The following CMSS1 variants were observed in gnomAD, a reference collection of about 807,000 sequenced individuals.
CMSS1 encodes the protein cms1 ribosomal small subunit homolog.
In CMSS1, 33 loss-of-function variants were observed where a neutral mutation model predicts 43.5. The ratio of observed to expected loss-of-function variants is 0.76; its 90% CI spans 0.57 to 1.01. The LOEUF (loss-of-function observed/expected upper bound fraction) is 1.01. CMSS1 is among the 50% of genes least tolerant of loss of function. CMSS1 has a pLI of 0.00. For synonymous variants in CMSS1, 115 were observed against 117.2 expected, an observed-to-expected ratio of 0.98 and a Z score of 0.12; for missense variants, 313 against 326.4, an observed-to-expected ratio of 0.96 and a Z score of 0.32.
At chr3:99,825,066 A>G (rs1376280232) in intron 1 of CMSS1, among the ~76,000 whole-genome samples, 3 of 152,170 alleles carry the variant, frequency 2.0e-5, no homozygotes, top group Non-Finnish European at 1.5e-5. Context: ...TTAAACCTTT[A>G]CAGTATTAGT....
At chr3:99,881,832 C>T (rs967718426) in intron 1 of CMSS1, among the ~76,000 whole-genome samples, 1 of 152,094 alleles carries the variant, frequency 6.6e-6, no homozygotes, top group Non-Finnish European at 1.5e-5. Context: ...CGTGACTGAC[C>T]CATTTCTTTT....
intron 1 of CMSS1, among the ~76,000 whole-genome samples, chr3:99,835,265 T>C (rs1942849489): frequency 6.6e-6 from 1 of 152,224 alleles, no homozygotes; most frequent in African/African-American, 2.4e-5. Context: ...TTTATCCTCC[T>C]TATGCTACTT....
intron 1 of CMSS1, among the ~76,000 whole-genome samples, chr3:99,907,670 A>G (rs942089002): frequency 6.6e-6 from 1 of 152,010 alleles, no homozygotes; most frequent in African/African-American, 2.4e-5. Flanking sequence ...CCTGAATTTG[A>G]TTGCTCTTTT....
chr3:100,115,121 G>T lies in CMSS1; in HGVS notation c.65-31852G>T. 3 of 666,506 alleles carry T rather than the reference G, an allele frequency of 4.5e-6. No individual in the cohort carries two copies. The South Asian group carries it at 5.0e-5, about 11-fold the overall frequency. 41.3% of individuals were successfully genotyped at this position (666,506 alleles called of 1,614,324 possible). On this transcript the variant is annotated intron_variant, in intron 1 of 9. Transcript: ENST00000421999. ...TTCTTTAAGTAGGATCACTTGTTCA[G>T]ATTGAGGGGTTGGATAGAAGGGAGG...
At position 99,867,015 on chromosome 3, in the gene CMSS1, T is replaced by C. The variant is rs1274276215; in HGVS notation, c.64+48972T>C. 2.0e-5 allele frequency among the ~76,000 whole-genome samples: 3 copies of C among 152,366 alleles called. No individual in the cohort carries two copies. In the East Asian group the frequency reaches 5.8e-4, roughly 29 times the overall value. ...TTCCTTTTCAGCAACTTCTGAATAC[T>C]GAGAAGACAGAAAATGCATAAACAG... On this transcript the variant is annotated intron_variant, in intron 1 of 9. Coordinates refer to ENST00000421999, the MANE Select transcript of CMSS1 (RefSeq NM_032359.4).
intron 1 of CMSS1, among the ~76,000 whole-genome samples, chr3:99,858,375 G>C (rs1029177931): frequency 6.6e-6 from 1 of 152,096 alleles, no homozygotes; most frequent in Non-Finnish European, 1.5e-5. Context: ...TGAGGCAGGA[G>C]AATTGCTTGA....
chr3:100,056,460 T>A (rs184292435), intron 1 of CMSS1, among the ~76,000 whole-genome samples: 17 of 152,350 alleles, frequency 1.1e-4, no homozygotes, highest in African/African-American at 3.8e-4. Context: ...GAATGCTTAC[T>A]ACCTGGTGAT....
At chr3:99,853,721 C>T (rs1235139570) in intron 1 of CMSS1, among the ~76,000 whole-genome samples, 1 of 152,192 alleles carries the variant, frequency 6.6e-6, no homozygotes, top group Non-Finnish European at 1.5e-5. Flanking sequence ...TATTTGAATG[C>T]ATTTTCTCTA....
intron 1 of CMSS1, among the ~76,000 whole-genome samples, chr3:100,004,032 G>A (rs1454184631): frequency 6.6e-6 from 1 of 152,094 alleles, no homozygotes. Flanking sequence ...CTCTCTCAGG[G>A]TAAGCATCTT....
chr3:99,850,482 A>G lies in CMSS1; in HGVS notation c.64+32439A>G, dbSNP rs749384433. ...TCTCCCTTTCAAGCCTCTTATTGAG[A>G]TCTCTGCACTGCTCCTCCATTTTTA... On this transcript the variant is annotated intron_variant, in intron 1 of 9. Transcript: ENST00000421999. The G allele has an allele frequency of 4.3e-6, 7 of 1,613,188 alleles. No homozygotes were observed. In the African/African-American group the frequency reaches 8.0e-5, roughly 18 times the overall value.
chr3:99,970,876 C>G (rs528896491), intron 1 of CMSS1, among the ~76,000 whole-genome samples: 4 of 152,130 alleles, frequency 2.6e-5, no homozygotes, highest in African/African-American at 9.6e-5. Flanking sequence ...GGTGTGGATG[C>G]AATTAAAGGG....
At chr3:100,106,519 C>T (rs1245466858) in intron 1 of CMSS1, among the ~76,000 whole-genome samples, 1 of 152,138 alleles carries the variant, frequency 6.6e-6, no homozygotes, top group Non-Finnish European at 1.5e-5. Flanking sequence ...AGAAACCCCA[C>T]TTTGACTCTT....
In CMSS1 at chr3:99,849,757, T is replaced by G. The variant is rs781198757; in HGVS notation, c.64+31714T>G. 41 of 1,613,686 alleles carry G rather than the reference T, an allele frequency of 2.5e-5. No individual in the cohort carries two copies. The South Asian group carries it at 4.5e-4, about 18-fold the overall frequency. The stretch of plus-strand genomic sequence containing the variant: ...GTCATCCTCAATGGCTTTCATGTCC[T>G]TTAGCTTCAGTTTCAGTCTTTCCAC... On this transcript the variant is annotated intron_variant, in intron 1 of 9. Transcript: ENST00000421999.
At chr3:99,991,993 C>T (rs773549244) in intron 1 of CMSS1, among the ~76,000 whole-genome samples, 3 of 142,850 alleles carry the variant, frequency 2.1e-5, no homozygotes, top group Admixed American at 7.0e-5. Flanking sequence ...TGTATATATA[C>T]GTATATATAT....
At chr3:99,907,404 C>T (rs1295954201) in intron 1 of CMSS1, among the ~76,000 whole-genome samples, 2 of 152,048 alleles carry the variant, frequency 1.3e-5, no homozygotes, top group Non-Finnish European at 1.5e-5. Flanking sequence ...CCCACCACCA[C>T]GCCCAACTAA....
intron 1 of CMSS1, among the ~76,000 whole-genome samples, chr3:100,103,898 C>T (rs2066351070): frequency 6.6e-6 from 1 of 152,162 alleles, no homozygotes; most frequent in Non-Finnish European, 1.5e-5. Context: ...TAAATATCAA[C>T]CTTATTAATA....
At chr3:100,030,781 C>T (rs923786853) in intron 1 of CMSS1, among the ~76,000 whole-genome samples, 1 of 152,076 alleles carries the variant, frequency 6.6e-6, no homozygotes, top group African/African-American at 2.4e-5. Context: ...ATCCGTTTTC[C>T]CTCCCTGTAG....
chr3:99,869,230 T>TC (rs752623877), intron 1 of CMSS1, among the ~76,000 whole-genome samples: 1 of 152,120 alleles, frequency 6.6e-6, no homozygotes, highest in Non-Finnish European at 1.5e-5. Flanking sequence ...ATGGGGAAAA[T>TC]TGGCCAGAGA....
chr3:99,826,724 T>G (rs185787730), intron 1 of CMSS1, among the ~76,000 whole-genome samples: 1 of 152,324 alleles, frequency 6.6e-6, no homozygotes, highest in East Asian at 1.9e-4. Flanking sequence ...CAGCTATGTA[T>G]TAGACCAGTC....
Sources: gnomAD v4.1 joint callset for allele counts (sites outside exome capture counted in the v4.1 genomes callset) on GRCh38, gnomAD v4.1.1 for gene constraint, MANE v1.5 for transcripts, NCBI Gene and HGNC (gene_info 2026-07-23, HGNC 2026-07-21) for gene names.